The following BMPER variants were observed in gnomAD, a reference collection of about 807,000 sequenced individuals.
BMPER encodes BMP binding endothelial regulator, also known as BMP-binding endothelial regulator protein.
A neutral mutation model predicts 87.3 loss-of-function variants in BMPER; 45 were observed. That is an observed-to-expected ratio of 0.52 (90% confidence interval 0.41 to 0.66). The LOEUF is 0.66. BMPER is among the 30% of genes least tolerant of loss of function. The probability of loss-of-function intolerance (pLI) is 0.00; values close to 1 mark genes in which losing one functional copy is unlikely to be tolerated. For missense variants in BMPER, 784 were observed against 867.5 expected (o/e 0.90, Z 1.21); for synonymous variants, 326 against 316.2 (o/e 1.03, Z -0.33).
At chr7:34,050,111 T>C (rs1042909467) in intron 7 of BMPER, among the ~76,000 whole-genome samples, 1 of 152,202 alleles carries the variant, frequency 6.6e-6, no homozygotes, top group African/African-American at 2.4e-5. Flanking sequence ...TAATTTAGTA[T>C]GTCAGTTCTT....
chr7:34,051,494 C>CT (rs1295414631), intron 7 of BMPER, among the ~76,000 whole-genome samples: 3 of 152,094 alleles, frequency 2.0e-5, no homozygotes, highest in African/African-American at 4.8e-5. Flanking sequence ...TCTAGATCGT[C>CT]TTTTTTCCAG....
chr7:34,025,716 A>C (rs1787341073), intron 6 of BMPER, among the ~76,000 whole-genome samples: 1 of 152,068 alleles, frequency 6.6e-6, no homozygotes, highest in South Asian at 2.1e-4. Flanking sequence ...ATTAGCACTT[A>C]GTACTCATTG....
chr7:34,042,726 A>G (rs1241275138), intron 6 of BMPER: 1 of 152,118 alleles, frequency 6.6e-6, no homozygotes, highest in Admixed American at 6.6e-5. Context: ...TTCATTCACT[A>G]ATTTTTTATT....
chr7:34,088,753 A>G (rs1207794665), intron 13 of BMPER, among the ~76,000 whole-genome samples: 1 of 152,168 alleles, frequency 6.6e-6, no homozygotes, highest in Non-Finnish European at 1.5e-5. Flanking sequence ...GCTGTCCTGT[A>G]TCTCTTACTT....
At chr7:33,934,664 C>G (rs1420907228) in intron 2 of BMPER, among the ~76,000 whole-genome samples, 4 of 152,166 alleles carry the variant, frequency 2.6e-5, no homozygotes, top group Non-Finnish European at 5.9e-5. Context: ...TCTAAGTCAG[C>G]AGAGTTCCTA....
Position 34,125,047 on chromosome 7 carries a change from G to C in BMPER, c.1746-18183G>C, listed in dbSNP as rs1014580. On this transcript the variant is annotated intron_variant, in intron 13 of 14. Coordinates refer to ENST00000649409, the MANE Select transcript of BMPER (RefSeq NM_001365308.1). ...ATGATATATTATTCTTCTAATATAC[G>C]GTTGAATTCTGTTTAATTATGTTTT... Among the ~76,000 whole-genome samples, 1,223 of 151,674 alleles carry C rather than the reference G, an allele frequency of 8.1e-3. 17 individuals carry two copies. The highest frequency in any genetic ancestry group is 0.028 in the African/African-American group (1,167 of 41,354).
chr7:34,065,203 A>ACTCTCTCTCTCTCTCTCTCT lies in BMPER; in HGVS notation c.1078+3182_1078+3201dup, dbSNP rs70997564. 1.2e-3 allele frequency among the ~76,000 whole-genome samples: 114 copies of ACTCTCTCTCTCTCTCTCTCT among 97,290 alleles called. 3 individuals carry two copies. Among genetic ancestry groups the ACTCTCTCTCTCTCTCTCTCT allele is most frequent in the Non-Finnish European group, 1.5e-3 (77 of 52,112 alleles). The allele number at this position is 97,290 out of a possible 152,430, so 63.8% of individuals were successfully genotyped here. ...CGGACACACACACACATACACACTC[A>ACTCTCTCTCTCTCTCTCTCT]CTCTCTCTCTCTCTCTCTCTCTCTC... On this transcript the variant is annotated intron_variant, in intron 11 of 14. Coordinates refer to ENST00000649409, the MANE Select transcript of BMPER (RefSeq NM_001365308.1).
chr7:34,061,965 T>A (rs1554312519), intron 10 of BMPER, 37 bp from the exon 11 acceptor site: 15 of 1,519,640 alleles, frequency 9.9e-6, no homozygotes, highest in South Asian at 2.4e-5. Context: ...TTTTTTTTTT[T>A]AAACAGTAAC....
At chr7:34,037,895 G>T (rs1787724538) in intron 6 of BMPER, among the ~76,000 whole-genome samples, 1 of 152,174 alleles carries the variant, frequency 6.6e-6, no homozygotes, top group Admixed American at 6.6e-5. Context: ...ATAAGACCAG[G>T]ATTTAAATCG....
At chr7:34,057,167 T>C (rs907844141) in intron 9 of BMPER, among the ~76,000 whole-genome samples, 4 of 152,302 alleles carry the variant, frequency 2.6e-5, no homozygotes, top group Admixed American at 2.0e-4. Flanking sequence ...TTTCTGTTTT[T>C]AACAAAAATC....
At chr7:34,012,637 C>T (rs1012429933) in intron 6 of BMPER, among the ~76,000 whole-genome samples, 9 of 151,578 alleles carry the variant, frequency 5.9e-5, no homozygotes, top group African/African-American at 1.9e-4. Context: ...CATCTCAAAA[C>T]CTGGGAAAAA....
chr7:34,153,439 T>A lies in BMPER; in HGVS notation c.*166T>A. On this transcript the variant is annotated 3_prime_UTR_variant, in exon 15 of 15. Coordinates refer to ENST00000649409, the MANE Select transcript of BMPER (RefSeq NM_001365308.1). ...ATATTCAAAAACATTGCATCATTTA[T>A]ATGAACTATAGGGGGATTATTATAT... 1 of 699,396 alleles carries A rather than the reference T, an allele frequency of 1.4e-6. No homozygotes were observed. The highest frequency in any genetic ancestry group is 2.4e-6 in the Non-Finnish European group (1 of 422,756). 43.3% of individuals were successfully genotyped at this position (699,396 alleles called of 1,614,324 possible).
intron 3 of BMPER, among the ~76,000 whole-genome samples, chr7:33,957,292 G>T (rs1051142365): frequency 1.3e-5 from 2 of 151,246 alleles, no homozygotes; most frequent in Non-Finnish European, 2.9e-5. Context: ...ACAAACAATT[G>T]ATACATGCAA....
At chr7:33,995,767 T>C (rs1188873249) in intron 6 of BMPER, among the ~76,000 whole-genome samples, 27 of 152,192 alleles carry the variant, frequency 1.8e-4, no homozygotes, top group Admixed American at 1.8e-3. Context: ...CCAAATGTTG[T>C]ACAAAAGAGG....
At chr7:33,955,287 C>A (rs1453820812) in intron 3 of BMPER, among the ~76,000 whole-genome samples, 1 of 152,172 alleles carries the variant, frequency 6.6e-6, no homozygotes, top group South Asian at 2.1e-4. Flanking sequence ...TAACAAAGAA[C>A]CCCTCTGATC....
At chr7:33,958,443 A>G (rs917097622) in intron 3 of BMPER, among the ~76,000 whole-genome samples, 3 of 152,232 alleles carry the variant, frequency 2.0e-5, no homozygotes, top group African/African-American at 7.2e-5. Flanking sequence ...GAGTTCAAAC[A>G]TAAATCCTCA....
chr7:34,144,968 G>A (rs895989289), intron 14 of BMPER, among the ~76,000 whole-genome samples: 1 of 152,188 alleles, frequency 6.6e-6, no homozygotes, highest in African/African-American at 2.4e-5. Flanking sequence ...GAATTGCCTT[G>A]AAGCTGTGAT....
intron 11 of BMPER, among the ~76,000 whole-genome samples, chr7:34,078,518 T>C (rs1315577850): frequency 6.6e-6 from 1 of 152,226 alleles, no homozygotes; most frequent in Non-Finnish European, 1.5e-5. Flanking sequence ...TTTGCTCTTG[T>C]ATGTGTGGGT....
At chr7:33,931,609 C>A (rs1276360208) in intron 2 of BMPER, among the ~76,000 whole-genome samples, 2 of 152,114 alleles carry the variant, frequency 1.3e-5, no homozygotes, top group Non-Finnish European at 2.9e-5. Context: ...AATTGGGTTA[C>A]AATGGGGATA....
Sources: allele counts gnomAD v4.1 joint callset (sites outside exome capture counted in the v4.1 genomes callset), GRCh38; gene constraint gnomAD v4.1.1; transcripts MANE v1.5; gene names NCBI Gene and HGNC (gene_info 2026-07-23, HGNC 2026-07-21).